The following PCDHGA8 variants were observed in gnomAD, a reference collection of about 807,000 sequenced individuals.
The protein encoded by PCDHGA8 is protocadherin gamma-A8.
In PCDHGA8, 45 loss-of-function variants were observed where a neutral mutation model predicts 59.2. That is an observed-to-expected ratio of 0.76 (90% CI 0.60 to 0.98). The LOEUF is 0.98. PCDHGA8 is among the 50% of genes least tolerant of loss of function. PCDHGA8 has a pLI of 0.00. For synonymous variants in PCDHGA8, 531 were observed against 519.0 expected (o/e 1.02, Z -0.32); for missense variants, 1,257 against 1,196.2 (o/e 1.05, Z -0.75).
At chr5:141,436,105 A>G (rs2097796181) in intron 1 of PCDHGA8, among the ~76,000 whole-genome samples, 2 of 152,198 alleles carry the variant, frequency 1.3e-5, no homozygotes, top group African/African-American at 4.8e-5. Context: ...GAAATAGAGG[A>G]CAATGAAACC....
chr5:141,426,317 C>A, intron 1 of PCDHGA8: 1 of 173,952 alleles, frequency 5.7e-6, no homozygotes, highest in African/African-American at 2.4e-5. Flanking sequence ...AGAAGCAGGA[C>A]CCGGCAGTGG....
chr5:141,441,442 C>G (rs938839707), intron 1 of PCDHGA8: 1 of 160,500 alleles, frequency 6.2e-6, no homozygotes, highest in African/African-American at 2.4e-5. Context: ...CTCGTCCAGC[C>G]CAAGCATCAC....
chr5:141,479,342 G>A (rs926832955), intron 1 of PCDHGA8: 1 of 152,486 alleles, frequency 6.6e-6, no homozygotes, highest in Admixed American at 6.5e-5. Flanking sequence ...TGCACCTGTA[G>A]TTCTTGCTGC....
chr5:141,472,065 G>C lies in PCDHGA8; in HGVS notation c.2425-22742G>C, dbSNP rs115025688. Among the ~76,000 whole-genome samples the C allele has an allele frequency of 1.7e-3, 265 of 152,218 alleles. 1 individual carries two copies. Among genetic ancestry groups the C allele is most frequent in the Middle Eastern group, 3.4e-3 (1 of 294 alleles). On this transcript the variant is annotated intron_variant, in intron 1 of 3. Coordinates refer to ENST00000398604, the MANE Select transcript of PCDHGA8 (RefSeq NM_032088.2). ...GATTTTAAAAATGATTGACATGTCT[G>C]TGGTTATATCAATGAGTACTATTAT...
Position 141,490,943 on chromosome 5 carries a change from G to A in PCDHGA8, c.2425-3864G>A, listed in dbSNP as rs1035375216. The A allele has an allele frequency of 6.8e-6, 11 of 1,613,470 alleles. No homozygotes were observed. The East Asian group carries it at 1.1e-4, about 16-fold the overall frequency. On this transcript the variant is annotated intron_variant, in intron 1 of 3. Coordinates refer to ENST00000398604, the MANE Select transcript of PCDHGA8 (RefSeq NM_032088.2). This position sits in a 1 kb window ranked among gnomAD's most constrained non-coding sequence, Gnocchi z 5.4. Reference sequence around the variant, plus strand: ...AATGCCCCAGCTGTGCTGCACCCACGGCCAGACTGGGAACACTCAGCCCCC... The same window carrying A: ...AATGCCCCAGCTGTGCTGCACCCACAGCCAGACTGGGAACACTCAGCCCCC...
Position 141,477,991 on chromosome 5 carries a change from T to C in PCDHGA8, c.2425-16816T>C, listed in dbSNP as rs774877878. On this transcript the variant is annotated intron_variant, in intron 1 of 3. Transcript: ENST00000398604. The surrounding 1 kb of genome is among the most constrained non-coding windows in gnomAD (Gnocchi z 4.9). The stretch of plus-strand genomic sequence containing the variant: ...GCCTTTTTGCCATAGGGCTGCACAC[T>C]GGTCAAATCAGTACTGCCCGTCCAG... 2 of 1,614,134 alleles carry C rather than the reference T, an allele frequency of 1.2e-6. No individual in the cohort carries two copies. Among genetic ancestry groups the C allele is most frequent in the South Asian group, 2.2e-5 (2 of 91,082 alleles).
At chr5:141,419,753 T>C (rs764151937) in intron 1 of PCDHGA8, 10 of 1,613,856 alleles carry the variant, frequency 6.2e-6, no homozygotes, top group South Asian at 2.2e-5. Context: ...GGTGCGTGCT[T>C]TGGGTGACAA....
intron 1 of PCDHGA8, among the ~76,000 whole-genome samples, chr5:141,433,837 CAA>C (rs56191208): frequency 1.4e-4 from 16 of 111,664 alleles, no homozygotes; most frequent in Non-Finnish European, 1.2e-4. Context: ...AACTCTATCT[CAA>C]AAAAAAAAAA....
chr5:141,419,578 G>C (rs1339676992), intron 1 of PCDHGA8: 1 of 1,611,722 alleles, frequency 6.2e-7, no homozygotes. Flanking sequence ...ACGGCTCCGC[G>C]CTCTTCGACA....
chr5:141,497,495 T>C (rs193075970), intron 2 of PCDHGA8, among the ~76,000 whole-genome samples: 28 of 151,186 alleles, frequency 1.9e-4, no homozygotes, highest in Admixed American at 1.7e-3. Context: ...TCTCTCTCTC[T>C]CCTCTCTCTG....
chr5:141,483,257 T>G, intron 1 of PCDHGA8, among the ~76,000 whole-genome samples: 1 of 137,924 alleles, frequency 7.3e-6, no homozygotes, highest in East Asian at 1.9e-4. Flanking sequence ...ATCATGAGGT[T>G]TTTTTGTTTT....
intron 1 of PCDHGA8, among the ~76,000 whole-genome samples, chr5:141,458,227 G>T (rs2154566190): frequency 6.6e-6 from 1 of 152,284 alleles, no homozygotes; most frequent in South Asian, 2.1e-4. Context: ...TCCTTTCCCA[G>T]TCCATGCACC....
rs76381401 is a variant in PCDHGA8, at chr5:141,399,054, G to A, written c.2424+3817G>A. 4.7e-4 allele frequency: 759 copies of A among 1,613,694 alleles called. 3 individuals are homozygous for A. The African/African-American group carries it at 8.4e-3, about 18-fold the overall frequency. ...AGAAACTGGATTTTGAAGAGACCAAGGAATATTCAATGGTTGTAGAAGGGA... is the reference window on the plus strand; with the variant it reads ...AGAAACTGGATTTTGAAGAGACCAAAGAATATTCAATGGTTGTAGAAGGGA... On this transcript the variant is annotated intron_variant, in intron 1 of 3. Coordinates refer to ENST00000398604, the MANE Select transcript of PCDHGA8 (RefSeq NM_032088.2).
At chr5:141,436,707 T>C (rs985035872) in intron 1 of PCDHGA8, among the ~76,000 whole-genome samples, 18 of 152,208 alleles carry the variant, frequency 1.2e-4, no homozygotes, top group African/African-American at 4.3e-4. Context: ...GCACACTCGA[T>C]GTTCTGTTGG....
chr5:141,489,844 C>T lies in PCDHGA8; in HGVS notation c.2425-4963C>T, dbSNP rs1004902910. 4.3e-6 allele frequency: 7 copies of T among 1,614,148 alleles called. No homozygotes were observed. The African/African-American group carries it at 9.3e-5, about 22-fold the overall frequency. ...GCTGGTGCTAGAGCAGCAGCTGGAT[C>T]GTGAAGCCCAGGCAAGACATCAGCT... On this transcript the variant is annotated intron_variant, in intron 1 of 3. Transcript: ENST00000398604. The surrounding 1 kb of genome is among the most constrained non-coding windows in gnomAD (Gnocchi z 4.5).
intron 1 of PCDHGA8, chr5:141,407,948 G>T (rs978962452): frequency 7.0e-6 from 4 of 572,054 alleles, no homozygotes; most frequent in Non-Finnish European, 1.1e-5. Flanking sequence ...GCCGCTGTCG[G>T]CCAGTGCAGA....
chr5:141,438,581 TAC>T (rs2097976954), intron 1 of PCDHGA8, among the ~76,000 whole-genome samples: 6 of 49,834 alleles, frequency 1.2e-4, no homozygotes, highest in African/African-American at 7.2e-4. Flanking sequence ...TATACATACA[TAC>T]ATACATACAT....
chr5:141,453,746 T>C (rs1345046460), intron 1 of PCDHGA8, among the ~76,000 whole-genome samples: 1 of 152,254 alleles, frequency 6.6e-6, no homozygotes, highest in Non-Finnish European at 1.5e-5. Flanking sequence ...TTAAATAACA[T>C]AAGTCTCCTA....
chr5:141,417,709 C>T lies in PCDHGA8; in HGVS notation c.2424+22472C>T, dbSNP rs533902963. 1.5e-5 allele frequency: 18 copies of T among 1,238,872 alleles called. No individual in the cohort carries two copies. The East Asian group carries it at 1.8e-4, about 12-fold the overall frequency. 76.7% of individuals were successfully genotyped at this position (1,238,872 alleles called of 1,614,324 possible). ...AAGAAAACCAGCTCCCACACAGAGG[C>T]TCCCGGCTGCGCAGACCTTGCCCAG... On this transcript the variant is annotated intron_variant, in intron 1 of 3. Coordinates refer to ENST00000398604, the MANE Select transcript of PCDHGA8 (RefSeq NM_032088.2).
Sources: allele counts gnomAD v4.1 joint callset (sites outside exome capture counted in the v4.1 genomes callset), GRCh38; gene constraint gnomAD v4.1.1; non-coding constraint Gnocchi (gnomAD v3.1); transcripts MANE v1.5; gene names NCBI Gene and HGNC (gene_info 2026-07-23, HGNC 2026-07-21).